Variants in CFAP44 observed in about 807,000 individuals in gnomAD.
The protein encoded by CFAP44 is cilia- and flagella-associated protein 44.
In CFAP44, 134 loss-of-function variants were observed where a neutral mutation model predicts 216.2. The ratio of observed to expected loss-of-function variants is 0.62; its 90% CI spans 0.54 to 0.72. The LOEUF (loss-of-function observed/expected upper bound fraction) is 0.72, where lower values mean the gene tolerates loss of function less well. Among genes scored for constraint, CFAP44 ranks in the 30% least tolerant of loss-of-function variants. The pLI, the probability that CFAP44 is intolerant of heterozygous loss-of-function variation, is 0.00. For missense variants in CFAP44, 2,035 were observed against 2,182.1 expected (o/e 0.93, Z 1.34); for synonymous variants, 700 against 727.6 (o/e 0.96, Z 0.61).
chr3:113,306,075 C>T, intron 30 of CFAP44, 126 bp downstream of exon 30: 2 of 1,199,058 alleles, frequency 1.7e-6, no homozygotes, highest in Non-Finnish European at 1.1e-6. Context: ...AAAAACCTGC[C>T]CTTAACATTT....
chr3:113,419,479 G>A (rs937133543), intron 5 of CFAP44, among the ~76,000 whole-genome samples: 12 of 152,080 alleles, frequency 7.9e-5, no homozygotes, highest in Non-Finnish European at 1.5e-5. Context: ...CAAACTCTCC[G>A]AGGACATGGA....
At chr3:113,362,999 G>T (rs1950555555) in intron 21 of CFAP44, 146 bp downstream of exon 21, 1 of 1,379,386 alleles carries the variant, frequency 7.2e-7, no homozygotes, top group African/African-American at 1.5e-5. Flanking sequence ...ATTAAAAGAT[G>T]CCCAAAATAA....
intron 22 of CFAP44, among the ~76,000 whole-genome samples, chr3:113,347,550 C>T (rs1053697104): frequency 2.0e-5 from 3 of 152,100 alleles, no homozygotes; most frequent in Admixed American, 2.0e-4. Flanking sequence ...AACTTCAGGA[C>T]TCTGTTCCCT....
At chr3:113,379,786 T>A (rs1353572033) in intron 16 of CFAP44, among the ~76,000 whole-genome samples, 1 of 152,168 alleles carries the variant, frequency 6.6e-6, no homozygotes, top group Non-Finnish European at 1.5e-5. Flanking sequence ...TATTTGGTCA[T>A]TTTTTTCATA....
Position 113,358,732 on chromosome 3 carries a change from A to C in CFAP44, c.3065+13T>G, listed in dbSNP as rs964508048. On this transcript the variant is annotated intron_variant, in intron 22 of 34. Coordinates refer to ENST00000393845, the MANE Select transcript of CFAP44 (RefSeq NM_001164496.2). ...TCTCAAACATCTTAGCTTGTAGAGA[A>C]TATGGATCCTACCGATTCTTTAGCT... 1 of 1,536,240 alleles carries C rather than the reference A, an allele frequency of 6.5e-7. No homozygotes were observed. Among genetic ancestry groups the C allele is most frequent in the Non-Finnish European group, 8.7e-7 (1 of 1,146,200 alleles).
chr3:113,291,882 G>T, intron 34 of CFAP44, 134 bp from the exon 35 acceptor site: 1 of 983,216 alleles, frequency 1.0e-6, no homozygotes, highest in Non-Finnish European at 1.4e-6. Flanking sequence ...AATCTCGGGA[G>T]CCTTCAATTC....
intron 32 of CFAP44, 139 bp from the exon 33 acceptor site, chr3:113,297,024 G>T: frequency 1.0e-6 from 1 of 998,018 alleles, no homozygotes; most frequent in Non-Finnish European, 1.5e-6. Flanking sequence ...TTTCTTCTGT[G>T]ATTTTTTCTG....
chr3:113,427,248 A>C lies in CFAP44; in HGVS notation c.192T>G (p.Asp64Glu). 2 of 1,613,644 alleles carry C rather than the reference A, an allele frequency of 1.2e-6. No homozygotes were observed. ...GEGSYLEEDS[D>E]EERLEGSLSS... The stretch of plus-strand genomic sequence containing the variant: ...TCAAACTTCCTTCCAAACGTTCCTC[A>C]TCTGAGTCTTCTTCTAAATATGATC... The change falls in exon 3 of 35, where the codon GAT becomes GAG. Residue 64 changes from aspartate to glutamate, a missense_variant. Physicochemically the swap from Asp to Glu is conservative, Grantham distance 45 (BLOSUM62 2). This residue lies in a region of CFAP44 where 149 missense variants were observed against 141.8 expected (regional missense o/e 1.05). Coordinates refer to ENST00000393845, the MANE Select transcript of CFAP44 (RefSeq NM_001164496.2).
At chr3:113,429,836 T>C (rs1357706847) in intron 2 of CFAP44, among the ~76,000 whole-genome samples, 1 of 152,128 alleles carries the variant, frequency 6.6e-6, no homozygotes. Context: ...GCTTCAGAGA[T>C]TACAATATAT....
intron 2 of CFAP44, chr3:113,432,227 T>C (rs1173412810): frequency 6.6e-6 from 1 of 152,202 alleles, no homozygotes; most frequent in Non-Finnish European, 1.5e-5. Flanking sequence ...TGCCAGGAGC[T>C]GTGATAAATA....
chr3:113,438,673 C>T (rs1333299060), intron 1 of CFAP44, among the ~76,000 whole-genome samples: 1 of 152,152 alleles, frequency 6.6e-6, no homozygotes, highest in Non-Finnish European at 1.5e-5. Flanking sequence ...AGCTCTACTT[C>T]TTAGTATATT....
intron 32 of CFAP44, among the ~76,000 whole-genome samples, chr3:113,299,581 G>A (rs1274173606): frequency 6.6e-6 from 1 of 152,050 alleles, no homozygotes; most frequent in East Asian, 1.9e-4. Context: ...CAAAAGAAAG[G>A]AAATCAGTAT....
intron 11 of CFAP44, among the ~76,000 whole-genome samples, chr3:113,400,998 A>G (rs76763948): frequency 0.027 from 4,074 of 152,280 alleles, 65 homozygotes; most frequent in East Asian, 0.052. Context: ...TAAAAACTAT[A>G]AAGTACTATA....
At chr3:113,361,235 T>C in intron 21 of CFAP44, 2 of 216,138 alleles carry the variant, frequency 9.3e-6, no homozygotes, top group Non-Finnish European at 2.0e-5. Context: ...AAACCGCGTA[T>C]GTAATTTCAT....
At chr3:113,411,983 G>T (rs1934491059) in intron 6 of CFAP44, among the ~76,000 whole-genome samples, 1 of 151,976 alleles carries the variant, frequency 6.6e-6, no homozygotes, top group South Asian at 2.1e-4. Flanking sequence ...TTTGCACACT[G>T]ATTTTGTATC....
intron 22 of CFAP44, among the ~76,000 whole-genome samples, chr3:113,348,239 C>G (rs915695192): frequency 1.9e-4 from 29 of 152,032 alleles, no homozygotes; most frequent in African/African-American, 7.0e-4. Context: ...GCGGTTTTTC[C>G]TTTCACATGG....
intron 25 of CFAP44, among the ~76,000 whole-genome samples, chr3:113,331,705 C>T (rs1455384164): frequency 6.6e-6 from 1 of 152,076 alleles, no homozygotes; most frequent in Non-Finnish European, 1.5e-5. Context: ...GCTGTAAGGC[C>T]TACCTTTTTA....
At chr3:113,343,716 T>G (rs1370966114) in intron 23 of CFAP44, among the ~76,000 whole-genome samples, 4 of 152,068 alleles carry the variant, frequency 2.6e-5, no homozygotes, top group African/African-American at 4.8e-5. Flanking sequence ...CTGAACAGTA[T>G]GAGAAAGCAC....
intron 28 of CFAP44, among the ~76,000 whole-genome samples, chr3:113,310,854 T>C (rs1950030986): frequency 1.3e-5 from 2 of 152,240 alleles, no homozygotes; most frequent in African/African-American, 4.8e-5. Flanking sequence ...GTCCTGCACC[T>C]GCATTATAAG....
Sources: gnomAD v4.1 joint callset for allele counts (sites outside exome capture counted in the v4.1 genomes callset) on GRCh38, gnomAD v4.1.1 for gene constraint, gnomAD v4.1.1 regional missense constraint, MANE v1.5 for transcripts, NCBI Gene and HGNC (gene_info 2026-07-23, HGNC 2026-07-21) for gene names.